The following PCDHA8 variants were observed in gnomAD, a reference collection of about 807,000 sequenced individuals.
The protein encoded by PCDHA8 is protocadherin alpha 8.
A neutral mutation model predicts 61.8 loss-of-function variants in PCDHA8; 53 were observed. That is an observed-to-expected ratio of 0.86 (90% CI 0.69 to 1.08). The LOEUF is 1.08. PCDHA8 is among the 50% of genes least tolerant of loss of function. PCDHA8 has a pLI of 0.00. For missense variants in PCDHA8, 1,293 were observed against 1,245.0 expected (o/e 1.04, Z -0.58); for synonymous variants, 618 against 556.6 (o/e 1.11, Z -1.55).
chr5:140,983,363 C>A (rs574253600), intron 3 of PCDHA8, among the ~76,000 whole-genome samples: 33 of 152,290 alleles, frequency 2.2e-4, no homozygotes, highest in African/African-American at 7.9e-4. Context: ...AGAAATATGG[C>A]TTTGGAGGCC....
intron 1 of PCDHA8, among the ~76,000 whole-genome samples, chr5:140,965,734 AT>A (rs2095929489): frequency 6.6e-6 from 1 of 152,220 alleles, no homozygotes; most frequent in Non-Finnish European, 1.5e-5. Flanking sequence ...ATTTTACCAG[AT>A]TTTCCCCATT....
chr5:140,877,561 A>G (rs1582392588), intron 1 of PCDHA8: 1 of 1,613,748 alleles, frequency 6.2e-7, no homozygotes. Flanking sequence ...GGTGGATATT[A>G]ACGTGTACCT....
At position 140,927,139 on chromosome 5, in the gene PCDHA8, C is replaced by G. The variant is rs782726149; in HGVS notation, c.2395-51810C>G. 6 of 1,613,928 alleles carry G rather than the reference C, an allele frequency of 3.7e-6. No homozygotes were observed. The Admixed American group carries it at 5.0e-5, about 13-fold the overall frequency. On this transcript the variant is annotated intron_variant, in intron 1 of 3. Coordinates refer to ENST00000531613, the MANE Select transcript of PCDHA8 (RefSeq NM_018911.3). Reference sequence around the variant, plus strand: ...TTTGGTGGTCAGAGAGCCGGCGGACCGCGAACAGCTGTGCAGGGCCAAAGC... The same window carrying G: ...TTTGGTGGTCAGAGAGCCGGCGGACGGCGAACAGCTGTGCAGGGCCAAAGC...
intron 1 of PCDHA8, among the ~76,000 whole-genome samples, chr5:140,910,538 AT>A: frequency 6.6e-6 from 1 of 152,180 alleles, no homozygotes; most frequent in Non-Finnish European, 1.5e-5. Context: ...TCACAAATCT[AT>A]TTTGCAAAGT....
intron 1 of PCDHA8, among the ~76,000 whole-genome samples, chr5:140,957,285 G>GT (rs1554222913): frequency 6.6e-6 from 1 of 152,144 alleles, no homozygotes; most frequent in Non-Finnish European, 1.5e-5. Flanking sequence ...CTTACCTGCA[G>GT]TTTCACTCTG....
intron 1 of PCDHA8, among the ~76,000 whole-genome samples, chr5:140,878,864 A>G (rs1465235970): frequency 1.3e-5 from 2 of 152,152 alleles, no homozygotes; most frequent in Non-Finnish European, 2.9e-5. Flanking sequence ...CTGATCCTCC[A>G]TTTCAGCCTT....
At chr5:140,907,144 G>A (rs1006725502) in intron 1 of PCDHA8, among the ~76,000 whole-genome samples, 17 of 152,104 alleles carry the variant, frequency 1.1e-4, no homozygotes, top group Non-Finnish European at 2.4e-4. Flanking sequence ...CCGGCTATGG[G>A]AGAAACAGTA....
chr5:140,922,409 C>A (rs1335922543), intron 1 of PCDHA8, among the ~76,000 whole-genome samples: 2 of 152,154 alleles, frequency 1.3e-5, no homozygotes, highest in Non-Finnish European at 2.9e-5. Context: ...TTAAAAAGAT[C>A]TAGGTACAGA....
Position 140,858,252 on chromosome 5 carries a change from C to A in PCDHA8, c.2394+14537C>A, listed in dbSNP as rs1554151333. On this transcript the variant is annotated intron_variant, in intron 1 of 3. Coordinates refer to ENST00000531613, the MANE Select transcript of PCDHA8 (RefSeq NM_018911.3). The stretch of plus-strand genomic sequence containing the variant: ...GAGGGCGCATGTGGGCCGGTGAAGC[C>A]CACGCTGGTGTGCTCTAGCGCGGTG... 3 of 1,596,744 alleles carry A rather than the reference C, an allele frequency of 1.9e-6. 1 individual carries two copies. The Admixed American group carries it at 5.1e-5, about 27-fold the overall frequency.
chr5:140,929,070 G>A lies in PCDHA8; in HGVS notation c.2395-49879G>A, dbSNP rs2085795989. 2.5e-6 allele frequency: 4 copies of A among 1,614,200 alleles called. No homozygotes were observed. The African/African-American group carries it at 5.3e-5, about 22-fold the overall frequency. ...GCTGTCGCTCTACAGAGGATCTGAG[G>A]TATGGAAGTAAGATGGTTTCAAATC... On this transcript the variant is annotated intron_variant, in intron 1 of 3. Coordinates refer to ENST00000531613, the MANE Select transcript of PCDHA8 (RefSeq NM_018911.3).
chr5:140,851,489 T>A, intron 1 of PCDHA8: 1 of 887,850 alleles, frequency 1.1e-6, no homozygotes, highest in Admixed American at 6.3e-5. Context: ...AACACAGCCT[T>A]CATTTCAACT....
chr5:140,915,542 G>T (rs1253663657), intron 1 of PCDHA8, among the ~76,000 whole-genome samples: 2 of 152,030 alleles, frequency 1.3e-5, no homozygotes, highest in Admixed American at 6.6e-5. Context: ...TGGAGGTCTT[G>T]AATAAGATCC....
At chr5:141,009,257 C>T (rs1375950001) in intron 3 of PCDHA8, among the ~76,000 whole-genome samples, 1 of 152,136 alleles carries the variant, frequency 6.6e-6, no homozygotes, top group East Asian at 1.9e-4. Flanking sequence ...GTGTTTGAGA[C>T]CAGCCTGGGC....
rs1554231844 is a variant in PCDHA8, at chr5:140,969,454, A to G, written c.2395-9495A>G. On this transcript the variant is annotated intron_variant, in intron 1 of 3. Coordinates refer to ENST00000531613, the MANE Select transcript of PCDHA8 (RefSeq NM_018911.3). ...AAGAGTTATCTGGTAAACTGAGTAT[A>G]TATAGTATCCACAATTTGATCATAA... 7.9e-6 allele frequency: 12 copies of G among 1,511,706 alleles called. No individual in the cohort carries two copies. The South Asian group carries it at 9.0e-5, about 11-fold the overall frequency. The allele number at this position is 1,511,706 out of a possible 1,614,324, so 93.6% of individuals were successfully genotyped here.
chr5:140,907,554 A>G (rs1554193052), intron 1 of PCDHA8, among the ~76,000 whole-genome samples: 2 of 152,224 alleles, frequency 1.3e-5, no homozygotes, highest in African/African-American at 2.4e-5. Context: ...AAGAGGTCCA[A>G]TATAATCAAC....
At position 141,012,023 on chromosome 5, in the gene PCDHA8, C is replaced by T. The variant is rs1174206729; in HGVS notation, c.*2086C>T. On this transcript the variant is annotated 3_prime_UTR_variant, in exon 4 of 4. Coordinates refer to ENST00000531613, the MANE Select transcript of PCDHA8 (RefSeq NM_018911.3). ...TATTTTGAAGGGTGTGTAACTTCAGCTCTGCAGGATTGCATGGGGTAAAAC... is the reference window on the plus strand; with the variant it reads ...TATTTTGAAGGGTGTGTAACTTCAGTTCTGCAGGATTGCATGGGGTAAAAC... The T allele has an allele frequency of 6.5e-6, 1 of 153,700 alleles. No individual in the cohort carries two copies. The highest frequency in any genetic ancestry group is 1.5e-5 in the Non-Finnish European group (1 of 68,026). The allele number at this position is 153,700 out of a possible 1,614,324, so 9.5% of individuals were successfully genotyped here.
chr5:140,972,499 G>A (rs1398741603), intron 1 of PCDHA8, among the ~76,000 whole-genome samples: 3 of 151,888 alleles, frequency 2.0e-5, no homozygotes, highest in South Asian at 4.2e-4. Flanking sequence ...TAATCTGTTG[G>A]TAGATTTTAC....
intron 1 of PCDHA8, among the ~76,000 whole-genome samples, chr5:140,955,262 CT>C (rs1165777806): frequency 3.9e-5 from 6 of 152,044 alleles, no homozygotes; most frequent in African/African-American, 1.4e-4. Flanking sequence ...TATAAAGGCT[CT>C]TTTTTGGTTC....
intron 1 of PCDHA8, among the ~76,000 whole-genome samples, chr5:140,925,950 A>G (rs2082820493): frequency 6.6e-6 from 1 of 152,030 alleles, no homozygotes. Flanking sequence ...GGAGAAGGAG[A>G]AACTGCTATC....
Sources: gnomAD v4.1 joint callset for allele counts (sites outside exome capture counted in the v4.1 genomes callset) on GRCh38, gnomAD v4.1.1 for gene constraint, MANE v1.5 for transcripts, NCBI Gene and HGNC (gene_info 2026-07-23, HGNC 2026-07-21) for gene names.